The following CPLANE1 variants were observed in gnomAD, a reference collection of about 807,000 sequenced individuals.
The protein encoded by CPLANE1 is ciliogenesis and planar polarity effector complex subunit 1, also known as ciliogenesis and planar polarity effector 1.
In CPLANE1, 263 loss-of-function variants were observed where a neutral mutation model predicts 362.5. That is an observed-to-expected ratio of 0.73 (90% CI 0.66 to 0.80). The LOEUF (loss-of-function observed/expected upper bound fraction) is 0.80. Among genes scored for constraint, CPLANE1 ranks in the 30% least tolerant of loss-of-function variants. The pLI, the probability that CPLANE1 is intolerant of heterozygous loss-of-function variation, is 0.00. For synonymous variants in CPLANE1, 1,212 were observed against 1,302.6 expected, an observed-to-expected ratio of 0.93 and a Z score of 1.50; for missense variants, 3,461 against 3,793.4, an observed-to-expected ratio of 0.91 and a Z score of 2.30.
chr5:37,182,715 A>G (rs1391351082), intron 26 of CPLANE1, 45 bp downstream of exon 26: 2 of 1,170,272 alleles, frequency 1.7e-6, no homozygotes, highest in Admixed American at 4.9e-5. Context: ...TTTAATCTAA[A>G]ATGAGAATTC....
intron 51 of CPLANE1, among the ~76,000 whole-genome samples, chr5:37,113,477 A>G (rs1759934436): frequency 1.3e-5 from 2 of 152,204 alleles, no homozygotes; most frequent in African/African-American, 4.8e-5. Context: ...ATGTGTTAGC[A>G]GCATGAGAAC....
chr5:37,228,204 T>G (rs1561671915), intron 9 of CPLANE1, among the ~76,000 whole-genome samples: 1 of 152,112 alleles, frequency 6.6e-6, no homozygotes. Context: ...TACTTTTTAT[T>G]AAAGAGGAGA....
At chr5:37,092,661 G>A in the CPLANE1 span, among the ~76,000 whole-genome samples, 18 of 152,248 alleles carry the variant, frequency 1.2e-4, no homozygotes, top group Non-Finnish European at 2.1e-4. Context: ...CCAATGGGGC[G>A]ATGCAATATC....
chr5:37,202,503 T>TA (rs1458906239), intron 18 of CPLANE1, among the ~76,000 whole-genome samples: 3 of 152,090 alleles, frequency 2.0e-5, no homozygotes, highest in Non-Finnish European at 4.4e-5. Flanking sequence ...AATAAGTTAA[T>TA]AAAAATGACT....
chr5:37,148,090 A>G (rs1772275698), intron 43 of CPLANE1, 91 bp downstream of exon 43: 1 of 769,722 alleles, frequency 1.3e-6, no homozygotes, highest in South Asian at 2.8e-5. Flanking sequence ...AATGAAAACT[A>G]CTCCTACTTC....
At chr5:37,088,327 T>C in the CPLANE1 span, among the ~76,000 whole-genome samples, 4 of 152,174 alleles carry the variant, frequency 2.6e-5, no homozygotes, top group Non-Finnish European at 5.9e-5. Context: ...GTTGGGGAGC[T>C]TCTATGAGCG....
intron 29 of CPLANE1, among the ~76,000 whole-genome samples, chr5:37,178,446 T>G (rs550373816): frequency 1.1e-3 from 170 of 151,450 alleles, no homozygotes; most frequent in African/African-American, 3.8e-3. Context: ...AAAAAATGTT[T>G]TTTTTTTTTT....
intron 44 of CPLANE1, chr5:37,141,319 C>T (rs191635242): frequency 2.0e-6 from 2 of 985,320 alleles, no homozygotes; most frequent in African/African-American, 1.7e-5. Flanking sequence ...CATATGAGTC[C>T]TGTTTAACCT....
At position 37,184,845 on chromosome 5, in the gene CPLANE1, T is replaced by C. The variant is rs766869139; in HGVS notation, c.4424A>G (p.Asp1475Gly). Residue 1475 changes from aspartate (D) to glycine (G), a missense_variant, in exon 25 of 53, where the codon GAT (aspartate) becomes GGT (glycine). By Grantham distance (94) the Asp-to-Gly change is moderately conservative. This residue lies in a region of CPLANE1 where 3,380 missense variants were observed against 3,666.1 expected (regional missense o/e 0.92). Transcript: ENST00000651892. ...LGDSVVHSDA[D>G]TFSEALSVEE... ...AACCGACAAAGCTTCAGAGAACGTA[T>C]CTGCATCACTGTGAACCACAGAATC... The C allele has an allele frequency of 1.2e-6, 2 of 1,614,034 alleles. No homozygotes were observed. Among genetic ancestry groups the C allele is most frequent in the African/African-American group, 2.7e-5 (2 of 75,034 alleles).
chr5:37,244,356 A>T lies in CPLANE1; in HGVS notation c.570+19T>A. 1 of 1,501,398 alleles carries T rather than the reference A, an allele frequency of 6.7e-7. No individual in the cohort carries two copies. 93.0% of individuals were successfully genotyped at this position (1,501,398 alleles called of 1,614,324 possible). A position where few individuals can be genotyped will look rare whatever the true frequency, so the allele number is the denominator to read the frequency against. On this transcript the variant is annotated intron_variant, in intron 5 of 52. Coordinates refer to ENST00000651892, the MANE Select transcript of CPLANE1 (RefSeq NM_001384732.1). ...TCTGCTAATCTGCTTCACAGATAAG[A>T]GTCTGAGACTGATTTTACCTCATTT...
intron 51 of CPLANE1, among the ~76,000 whole-genome samples, chr5:37,111,880 A>G (rs1052117293): frequency 6.7e-6 from 1 of 150,332 alleles, no homozygotes; most frequent in Non-Finnish European, 1.5e-5. Flanking sequence ...GCATATGTGA[A>G]CAAACACTGT....
intron 50 of CPLANE1, 90 bp downstream of exon 50, chr5:37,120,126 C>CTT: frequency 7.7e-7 from 1 of 1,302,968 alleles, no homozygotes; most frequent in Non-Finnish European, 1.1e-6. Context: ...TTTACTAAGA[C>CTT]TTATACCTTT....
chr5:37,093,897 T>C, the CPLANE1 span, among the ~76,000 whole-genome samples: 647 of 152,268 alleles, frequency 4.2e-3, no homozygotes, highest in African/African-American at 0.015. Context: ...CTTTGAGCTA[T>C]AGCAAGGGTA....
In CPLANE1 at chr5:37,187,815, C is replaced by T. The variant is rs149685637; in HGVS notation, c.3839G>A (p.Cys1280Tyr). ...CTTATCACGGACATGCAGCATCCAA[C>T]ACAGAGCACAAAGTTCTCTGAAGCA... ...IGCFRELCAL[C>Y]WMLHVRDKLS... The change falls in exon 22 of 53, where the codon TGT becomes TAT. Residue 1280 changes from cysteine (C) to tyrosine (Y), a missense_variant. By Grantham distance (194) the Cys-to-Tyr change is radical (BLOSUM62 -2). Transcript: ENST00000651892. 20 of 1,613,778 alleles carry T rather than the reference C, an allele frequency of 1.2e-5. No homozygotes were observed. In the Admixed American group the frequency reaches 1.5e-4, roughly 12 times the overall value.
chr5:37,238,423 TCCA>T (rs1443735523), intron 8 of CPLANE1, among the ~76,000 whole-genome samples: 21 of 149,982 alleles, frequency 1.4e-4, no homozygotes, highest in Non-Finnish European at 3.0e-5. Flanking sequence ...CCTCAGGTGA[TCCA>T]CCTACCTCAG....
the CPLANE1 span, among the ~76,000 whole-genome samples, chr5:37,091,302 G>A: frequency 9.2e-5 from 14 of 152,122 alleles, no homozygotes; most frequent in East Asian, 1.5e-3. Context: ...GAGTCCACTT[G>A]GTATATCATT....
intron 32 of CPLANE1, 143 bp from the exon 33 acceptor site, chr5:37,170,474 G>A: frequency 5.7e-6 from 5 of 871,136 alleles, no homozygotes; most frequent in Admixed American, 3.3e-5. Context: ...GCAGGAGGCA[G>A]TCAGGGAAAT....
At chr5:37,244,352 T>TA in intron 5 of CPLANE1, 23 bp downstream of exon 5, 1 of 1,487,776 alleles carries the variant, frequency 6.7e-7, no homozygotes, top group Non-Finnish European at 9.1e-7. Context: ...GCTTCACAGA[T>TA]AAGAGTCTGA....
Position 37,198,737 on chromosome 5 carries a change from A to G in CPLANE1, c.3637T>C (p.Leu1213=), listed in dbSNP as rs766889446. The G allele has an allele frequency of 1.9e-6, 3 of 1,614,140 alleles. No homozygotes were observed. The highest frequency in any genetic ancestry group is 1.7e-6 in the Non-Finnish European group (2 of 1,180,012). The part of the protein sequence containing the change: ...CSFPVAQWYI[L]QLRWARKVMQ... ...ACTTTTCTTGCCCACCTCAACTGCAATATATACCACTGTGCTACAGGAAAA... is the reference window on the plus strand; with the variant it reads ...ACTTTTCTTGCCCACCTCAACTGCAGTATATACCACTGTGCTACAGGAAAA... Residue 1213 remains leucine (L), a synonymous_variant, in exon 20 of 53, where the codon TTG becomes CTG. Coordinates refer to ENST00000651892, the MANE Select transcript of CPLANE1 (RefSeq NM_001384732.1).
Sources: gnomAD v4.1 joint callset for allele counts (sites outside exome capture counted in the v4.1 genomes callset) on GRCh38, gnomAD v4.1.1 for gene constraint, gnomAD v4.1.1 regional missense constraint, MANE v1.5 for transcripts, NCBI Gene and HGNC (gene_info 2026-07-23, HGNC 2026-07-21) for gene names.